P2RY6: variants seen among roughly 807,000 people sequenced by gnomAD.
P2RY6 encodes pyrimidinergic receptor P2Y6.
P2RY6 carries 19 observed loss-of-function variants against 16.3 expected under a neutral mutation model. That is an observed-to-expected ratio of 1.16 (90% CI 0.81 to 1.71). P2RY6 has a LOEUF of 1.71. P2RY6 is among the 40% of genes most tolerant of loss of function. P2RY6 has a pLI of 0.00. For synonymous variants in P2RY6, 184 were observed against 201.5 expected, an observed-to-expected ratio of 0.91 and a Z score of 0.74; for missense variants, 389 against 455.5, an observed-to-expected ratio of 0.85 and a Z score of 1.33.
chr11:73,292,961 G>C (rs1864321263), intron 1 of P2RY6: 1 of 730,840 alleles, frequency 1.4e-6, no homozygotes, highest in Non-Finnish European at 1.7e-6. Flanking sequence ...CCAGTGCAGG[G>C]GTTGCGGGGG....
upstream of P2RY6, among the ~76,000 whole-genome samples, chr11:73,269,542 T>C (rs536459623): frequency 5.9e-5 from 9 of 152,272 alleles, 1 homozygote; most frequent in Admixed American, 5.9e-4. Flanking sequence ...GAGCAGCATG[T>C]GTGTGGAGCA....
chr11:73,292,674 C>G (rs549125895), intron 1 of P2RY6: 404 of 362,030 alleles, frequency 1.1e-3, no homozygotes, highest in Non-Finnish European at 1.4e-3. Context: ...TTTCCACCTC[C>G]TTGCTCCTCT....
In P2RY6 at chr11:73,297,703, G is replaced by A. The variant is rs1219221373; in HGVS notation, c.*198G>A. 4.9e-6 allele frequency: 3 copies of A among 606,184 alleles called. No homozygotes were observed. The highest frequency in any genetic ancestry group is 9.0e-6 in the Non-Finnish European group (3 of 333,694). 37.6% of individuals were successfully genotyped at this position (606,184 alleles called of 1,614,324 possible). ...GCCCAGACCCTGTGGGCATGGAGAT[G>A]GACAGACCTGGGCCTGGCTCTTGAG... is the stretch of plus-strand genomic sequence containing the variant. On this transcript the variant is annotated 3_prime_UTR_variant, in exon 3 of 3. Coordinates refer to ENST00000540124, the MANE Select transcript of P2RY6 (RefSeq NM_001277204.2).
exon 1 of P2RY6, chr11:73,264,545 G>T (rs1006463827): frequency 6.6e-6 from 1 of 152,454 alleles, no homozygotes; most frequent in Admixed American, 6.5e-5. Flanking sequence ...TGGGGCCGGA[G>T]CTGCTGCCGC....
At chr11:73,284,654 A>G (rs920459221) in intron 1 of P2RY6, among the ~76,000 whole-genome samples, 1 of 152,156 alleles carries the variant, frequency 6.6e-6, no homozygotes, top group Non-Finnish European at 1.5e-5. Flanking sequence ...CTTAAGTACA[A>G]ACTACAGCTT....
In P2RY6 at chr11:73,298,400, A is replaced by C. The variant is rs1314055109; in HGVS notation, c.*895A>C. The C allele has an allele frequency of 6.0e-6, 1 of 167,154 alleles. No homozygotes were observed. Among genetic ancestry groups the C allele is most frequent in the African/African-American group, 2.4e-5 (1 of 41,470 alleles). 10.4% of individuals were successfully genotyped at this position (167,154 alleles called of 1,614,324 possible). ...CTGTGCTTCAGCTACCCTCCAGACAAGGGCAAGAGTTAGCCAGATGCTCCA... is the reference window on the plus strand; with the variant it reads ...CTGTGCTTCAGCTACCCTCCAGACACGGGCAAGAGTTAGCCAGATGCTCCA... On this transcript the variant is annotated 3_prime_UTR_variant, in exon 3 of 3. Coordinates refer to ENST00000540124, the MANE Select transcript of P2RY6 (RefSeq NM_001277204.2).
At chr11:73,279,654 G>A (rs1265012286) in intron 1 of P2RY6, among the ~76,000 whole-genome samples, 1 of 152,200 alleles carries the variant, frequency 6.6e-6, no homozygotes, top group African/African-American at 2.4e-5. Flanking sequence ...TCCATGGTCT[G>A]CACAGCTAAT....
chr11:73,289,627 G>A (rs1023671209), intron 1 of P2RY6, among the ~76,000 whole-genome samples: 2 of 152,376 alleles, frequency 1.3e-5, no homozygotes. Flanking sequence ...GTGACGGAAC[G>A]GGGCTGGCTG....
intron 1 of P2RY6, among the ~76,000 whole-genome samples, chr11:73,277,005 G>A (rs1264414882): frequency 1.1e-4 from 16 of 152,162 alleles, no homozygotes; most frequent in African/African-American, 2.4e-5. Flanking sequence ...AAAGGGAGAA[G>A]CAGCCTCCAA....
At chr11:73,275,750 A>G (rs1274046160) in intron 1 of P2RY6, among the ~76,000 whole-genome samples, 2 of 152,210 alleles carry the variant, frequency 1.3e-5, no homozygotes, top group African/African-American at 4.8e-5. Context: ...TTATAGATTA[A>G]AAGCTAAACA....
At chr11:73,288,411 C>T (rs1409103638) in intron 1 of P2RY6, among the ~76,000 whole-genome samples, 1 of 152,184 alleles carries the variant, frequency 6.6e-6, no homozygotes, top group Non-Finnish European at 1.5e-5. Flanking sequence ...GCTTTAATTC[C>T]TGTTGAGTGG....
chr11:73,297,531 A>G lies in P2RY6; in HGVS notation c.*26A>G, dbSNP rs755479716. On this transcript the variant is annotated 3_prime_UTR_variant, in exon 3 of 3. Coordinates refer to ENST00000540124, the MANE Select transcript of P2RY6 (RefSeq NM_001277204.2). ...GTCCTCCAGGTCCTGGGCAGCCTTC[A>G]TATTTGCCATTGTGTCCGGGGCACC... 1 of 1,577,912 alleles carries G rather than the reference A, an allele frequency of 6.3e-7. No individual in the cohort carries two copies. Among genetic ancestry groups the G allele is most frequent in the East Asian group, 2.3e-5 (1 of 44,278 alleles).
chr11:73,274,851 C>T (rs933906008), intron 1 of P2RY6, among the ~76,000 whole-genome samples: 1 of 152,236 alleles, frequency 6.6e-6, no homozygotes, highest in Non-Finnish European at 1.5e-5. Flanking sequence ...CCCCTCCTGC[C>T]TTGGGACCAT....
At chr11:73,285,623 CTGG>C (rs919422812) in intron 1 of P2RY6, among the ~76,000 whole-genome samples, 4 of 152,206 alleles carry the variant, frequency 2.6e-5, no homozygotes, top group African/African-American at 9.7e-5. Context: ...ATTGGTGGCC[CTGG>C]CAAGTAACTA....
Position 73,284,621 on chromosome 11 carries a change from C to T in P2RY6, c.-120-11109C>T, listed in dbSNP as rs544065315. Among the ~76,000 whole-genome samples, 303 of 152,302 alleles carry T rather than the reference C, an allele frequency of 2.0e-3. 1 individual carries two copies. Among genetic ancestry groups the T allele is most frequent in the African/African-American group, 7.0e-3 (289 of 41,558 alleles). On this transcript the variant is annotated intron_variant, in intron 1 of 2. Transcript: ENST00000540124. The stretch of plus-strand genomic sequence containing the variant: ...GCTCACGTTTAATCTCTATCTGCTC[C>T]CAATCCCCAATAAACACATACTCTT...
intron 1 of P2RY6, among the ~76,000 whole-genome samples, chr11:73,276,120 A>G (rs34944968): frequency 6.6e-6 from 1 of 152,246 alleles, no homozygotes; most frequent in Non-Finnish European, 1.5e-5. Context: ...AATATGAATG[A>G]CAACATAAGA....
chr11:73,294,658 C>T (rs1454671584), intron 1 of P2RY6, among the ~76,000 whole-genome samples: 8 of 152,210 alleles, frequency 5.3e-5, no homozygotes, highest in African/African-American at 1.9e-4. Context: ...CCAACATTAT[C>T]ATTTTGCCCA....
intron 1 of P2RY6, chr11:73,292,845 G>A: frequency 1.0e-6 from 1 of 985,144 alleles, no homozygotes; most frequent in Non-Finnish European, 1.2e-6. Flanking sequence ...AGGAGAGTGG[G>A]GAGCCTCAGG....
At chr11:73,269,171 G>A (rs1163448871), upstream of P2RY6, among the ~76,000 whole-genome samples, 1 of 152,210 alleles carries the variant, frequency 6.6e-6, no homozygotes, top group East Asian at 1.9e-4. Flanking sequence ...AAACTGTAAA[G>A]CACCTGATTT....
Sources: gnomAD v4.1 joint callset for allele counts (sites outside exome capture counted in the v4.1 genomes callset) on GRCh38, gnomAD v4.1.1 for gene constraint, MANE v1.5 for transcripts, NCBI Gene and HGNC (gene_info 2026-07-23, HGNC 2026-07-21) for gene names.